Variants in SLC25A12 observed in about 807,000 individuals in gnomAD.
SLC25A12 encodes electrogenic aspartate/glutamate antiporter SLC25A12, mitochondrial.
Under a neutral mutation model 83.3 loss-of-function variants are expected in SLC25A12, and 32 were observed. The observed-to-expected ratio is 0.38, with a 90% CI of 0.29 to 0.52. The LOEUF is 0.52. Among genes scored for constraint, SLC25A12 ranks in the 20% least tolerant of loss-of-function variants. The pLI is 0.84. For missense variants in SLC25A12, 611 were observed against 835.6 expected, an observed-to-expected ratio of 0.73 and a Z score of 3.31; for synonymous variants, 267 against 291.1, an observed-to-expected ratio of 0.92 and a Z score of 0.84.
chr2:171,850,989 T>C (rs1684915745), intron 4 of SLC25A12, among the ~76,000 whole-genome samples: 1 of 152,192 alleles, frequency 6.6e-6, no homozygotes, highest in Admixed American at 6.5e-5. Context: ...TAGTACTACA[T>C]TTAAAGGAAT....
chr2:171,871,219 C>CA (rs1160635290), intron 2 of SLC25A12, among the ~76,000 whole-genome samples: 2 of 151,562 alleles, frequency 1.3e-5, no homozygotes, highest in African/African-American at 4.8e-5. Flanking sequence ...AAAAAACAAA[C>CA]AAAAAAAGCC....
intron 11 of SLC25A12, among the ~76,000 whole-genome samples, chr2:171,812,493 T>C (rs986403298): frequency 6.6e-6 from 1 of 152,060 alleles, no homozygotes; most frequent in Non-Finnish European, 1.5e-5. Flanking sequence ...TTTCATAGAA[T>C]CCCAAGTGGC....
chr2:171,882,478 T>C (rs1032423056), intron 2 of SLC25A12, among the ~76,000 whole-genome samples: 15 of 152,202 alleles, frequency 9.9e-5, no homozygotes, highest in African/African-American at 3.4e-4. Flanking sequence ...CTGGGGATGC[T>C]CCACATGGCA....
chr2:171,844,857 A>G (rs1455188727), intron 4 of SLC25A12, among the ~76,000 whole-genome samples: 1 of 152,150 alleles, frequency 6.6e-6, no homozygotes. Flanking sequence ...TTTCTCAAGG[A>G]GTCGAATTAA....
intron 5 of SLC25A12, among the ~76,000 whole-genome samples, chr2:171,837,890 C>T (rs761052891): frequency 3.3e-5 from 5 of 152,142 alleles, no homozygotes; most frequent in Non-Finnish European, 2.9e-5. Context: ...TGGCTCTGGG[C>T]ACCGTTACTC....
At chr2:171,825,352 C>T (rs1396421238) in intron 9 of SLC25A12, among the ~76,000 whole-genome samples, 1 of 152,164 alleles carries the variant, frequency 6.6e-6, no homozygotes, top group Non-Finnish European at 1.5e-5. Context: ...ATTAGTTTCA[C>T]AGGCAGAATC....
At chr2:171,808,631 C>T (rs1427575881) in intron 13 of SLC25A12, among the ~76,000 whole-genome samples, 1 of 152,088 alleles carries the variant, frequency 6.6e-6, no homozygotes, top group Non-Finnish European at 1.5e-5. Flanking sequence ...GGAATTAGAA[C>T]TTTTAAAAAA....
intron 3 of SLC25A12, chr2:171,856,767 GTTT>G (rs74826684): frequency 6.7e-6 from 1 of 149,540 alleles, no homozygotes; most frequent in Non-Finnish European, 1.5e-5. Context: ...AAAAAAAAAA[GTTT>G]TTTAATTTAC....
chr2:171,804,673 A>G (rs1483019079), intron 13 of SLC25A12, among the ~76,000 whole-genome samples: 2 of 152,170 alleles, frequency 1.3e-5, no homozygotes, highest in Admixed American at 6.5e-5. Context: ...GTACTTTGGG[A>G]GGAGGAGGCA....
chr2:171,824,176 T>C (rs1684251912), intron 9 of SLC25A12, among the ~76,000 whole-genome samples: 1 of 152,302 alleles, frequency 6.6e-6, no homozygotes, highest in South Asian at 2.1e-4. Context: ...GAAAAGACCC[T>C]TGAGGCCACC....
intron 4 of SLC25A12, chr2:171,845,938 GAATT>G: frequency 5.6e-6 from 2 of 356,072 alleles, no homozygotes; most frequent in South Asian, 4.2e-5. Context: ...AAAAAGCAAA[GAATT>G]AACCCAATAG....
At chr2:171,838,139 G>A (rs550352831) in intron 5 of SLC25A12, among the ~76,000 whole-genome samples, 13 of 152,240 alleles carry the variant, frequency 8.5e-5, no homozygotes, top group African/African-American at 2.6e-4. Context: ...TTGCAACTCT[G>A]TAAATAATAG....
At chr2:171,884,202 T>G (rs762865024) in intron 2 of SLC25A12, among the ~76,000 whole-genome samples, 2 of 139,898 alleles carry the variant, frequency 1.4e-5, no homozygotes, top group Non-Finnish European at 1.6e-5. Context: ...TTTTTTTTTT[T>G]CCCCCCGAGA....
intron 4 of SLC25A12, among the ~76,000 whole-genome samples, chr2:171,849,557 T>C (rs1446217178): frequency 4.0e-5 from 5 of 126,278 alleles, no homozygotes; most frequent in Admixed American, 8.2e-5. Context: ...AGTGGTGTGA[T>C]CTTTTTTTTT....
At chr2:171,834,998 T>C (rs530798363) in intron 6 of SLC25A12, 133 bp from the exon 7 acceptor site, 12 of 935,394 alleles carry the variant, frequency 1.3e-5, no homozygotes, top group African/African-American at 8.2e-5. Context: ...AGTACATAAA[T>C]ACAAGGAAAG....
Position 171,785,063 on chromosome 2 carries a change from A to C in SLC25A12, c.*211T>G. ...TGCCAAGGCTTACAAAAACATTTCAACACATAAGACTAAAGCTTGAAACAG... is the reference window on the plus strand; with the variant it reads ...TGCCAAGGCTTACAAAAACATTTCACCACATAAGACTAAAGCTTGAAACAG... On this transcript the variant is annotated 3_prime_UTR_variant, in exon 18 of 18. Coordinates refer to ENST00000422440, the MANE Select transcript of SLC25A12 (RefSeq NM_003705.5). 1 of 536,886 alleles carries C rather than the reference A, an allele frequency of 1.9e-6. No individual in the cohort carries two copies. The highest frequency in any genetic ancestry group is 3.4e-6 in the Non-Finnish European group (1 of 296,590). 33.3% of individuals were successfully genotyped at this position (536,886 alleles called of 1,614,324 possible). A position where few individuals can be genotyped will look rare whatever the true frequency, so the allele number is the denominator to read the frequency against.
chr2:171,802,931 C>T (rs903146198), intron 13 of SLC25A12, among the ~76,000 whole-genome samples: 3 of 151,974 alleles, frequency 2.0e-5, no homozygotes, highest in Non-Finnish European at 2.9e-5. Flanking sequence ...ATCAGGAAGT[C>T]AGAGTCAACA....
At chr2:171,891,047 C>T (rs923095270) in intron 2 of SLC25A12, among the ~76,000 whole-genome samples, 2 of 152,216 alleles carry the variant, frequency 1.3e-5, no homozygotes, top group Non-Finnish European at 2.9e-5. Context: ...TGGCTCACGC[C>T]TGTAATCCCA....
rs544985046 is a variant in SLC25A12 at position 171,863,858 on chromosome 2, G to C, written c.209+4823C>G. Among the ~76,000 whole-genome samples, 8 of 152,286 alleles carry C rather than the reference G, an allele frequency of 5.3e-5. No individual in the cohort carries two copies. The East Asian group carries it at 5.8e-4, about 11-fold the overall frequency. ...ATCCTATGAGTGAATGATCCACAGTGATTTATCAGTTGATATATTTTGAGA... is the reference window on the plus strand; with the variant it reads ...ATCCTATGAGTGAATGATCCACAGTCATTTATCAGTTGATATATTTTGAGA... On this transcript the variant is annotated intron_variant, in intron 3 of 17. Coordinates refer to ENST00000422440, the MANE Select transcript of SLC25A12 (RefSeq NM_003705.5).
Sources: gnomAD v4.1 joint callset for allele counts (sites outside exome capture counted in the v4.1 genomes callset) on GRCh38, gnomAD v4.1.1 for gene constraint, MANE v1.5 for transcripts, NCBI Gene and HGNC (gene_info 2026-07-23, HGNC 2026-07-21) for gene names.